ZNF560: variants seen among roughly 807,000 people sequenced by gnomAD.
The protein encoded by ZNF560 is zinc finger protein 560.
A neutral mutation model predicts 81.8 loss-of-function variants in ZNF560; 54 were observed. The ratio of observed to expected loss-of-function variants is 0.66; its 90% CI spans 0.53 to 0.83. The LOEUF is 0.83. ZNF560 is among the 40% of genes least tolerant of loss of function. The pLI is 0.00. For missense variants in ZNF560, 940 were observed against 932.4 expected (o/e 1.01, Z -0.11); for synonymous variants, 321 against 317.9 (o/e 1.01, Z -0.10).
chr19:9,480,694 C>G (rs539064237), intron 2 of ZNF560, among the ~76,000 whole-genome samples: 35 of 150,494 alleles, frequency 2.3e-4, no homozygotes, highest in African/African-American at 8.5e-4. Context: ...AATTGCAGCA[C>G]TTTGGGAGGC....
At chr19:9,480,113 G>T (rs1302900991) in intron 2 of ZNF560, among the ~76,000 whole-genome samples, 2 of 152,126 alleles carry the variant, frequency 1.3e-5, no homozygotes, top group African/African-American at 4.8e-5. Context: ...CTACACTTTA[G>T]ACCAAAACAA....
At chr19:9,484,115 C>A (rs954878748) in intron 2 of ZNF560, among the ~76,000 whole-genome samples, 2 of 152,098 alleles carry the variant, frequency 1.3e-5, no homozygotes, top group Admixed American at 1.3e-4. Context: ...AGAGTCATCA[C>A]CACTCCCTAA....
At chr19:9,453,094 T>C in the ZNF560 span, among the ~76,000 whole-genome samples, 1 of 152,190 alleles carries the variant, frequency 6.6e-6, no homozygotes, top group African/African-American at 2.4e-5. Context: ...GAGATCATGA[T>C]GATGGGGCTC....
the ZNF560 span, among the ~76,000 whole-genome samples, chr19:9,447,866 C>T: frequency 0.53 from 79,974 of 151,914 alleles, 21,374 homozygotes; most frequent in Non-Finnish European, 0.55. Context: ...ATCCAGACAA[C>T]ACCTGCCAGA....
the ZNF560 span, among the ~76,000 whole-genome samples, chr19:9,448,306 A>T: frequency 6.6e-6 from 1 of 150,792 alleles, no homozygotes; most frequent in Non-Finnish European, 1.5e-5. Context: ...ATCTTGGCTC[A>T]TGGTAACCTC....
At chr19:9,506,181 CAG>C in the ZNF560 span, among the ~76,000 whole-genome samples, 1 of 151,870 alleles carries the variant, frequency 6.6e-6, no homozygotes, top group African/African-American at 2.4e-5. Context: ...TTAGTAGAGA[CAG>C]GGTTTCACCA....
At chr19:9,485,818 G>A (rs1233048802) in intron 2 of ZNF560, among the ~76,000 whole-genome samples, 3 of 152,122 alleles carry the variant, frequency 2.0e-5, no homozygotes, top group Non-Finnish European at 4.4e-5. Context: ...TTACAGGCAT[G>A]AGCCACCATG....
At chr19:9,486,546 C>A (rs965151427) in intron 2 of ZNF560, among the ~76,000 whole-genome samples, 3 of 152,088 alleles carry the variant, frequency 2.0e-5, no homozygotes, top group African/African-American at 4.8e-5. Flanking sequence ...TTGAAACCAG[C>A]CTGGCCAACA....
intron 2 of ZNF560, among the ~76,000 whole-genome samples, chr19:9,488,661 G>C (rs1179387708): frequency 1.3e-5 from 2 of 152,024 alleles, no homozygotes; most frequent in Admixed American, 1.3e-4. Flanking sequence ...GAAACCCAGG[G>C]AACATGTATG....
chr19:9,499,682 G>A (rs1328675026), upstream of ZNF560, among the ~76,000 whole-genome samples: 1 of 152,122 alleles, frequency 6.6e-6, no homozygotes, highest in Non-Finnish European at 1.5e-5. Flanking sequence ...GAATCTTCGG[G>A]TTATATTGGT....
chr19:9,501,113 A>G (rs917447910), upstream of ZNF560, among the ~76,000 whole-genome samples: 1 of 149,404 alleles, frequency 6.7e-6, no homozygotes, highest in Non-Finnish European at 1.5e-5. Context: ...GGATTTTTGC[A>G]TCTATATTCA....
At chr19:9,479,257 G>A (rs2073248999) in intron 2 of ZNF560, among the ~76,000 whole-genome samples, 1 of 151,294 alleles carries the variant, frequency 6.6e-6, no homozygotes, top group Admixed American at 6.6e-5. Context: ...TACTCTGAAT[G>A]CACACACACT....
chr19:9,461,475 A>G (rs1254658791), downstream of ZNF560, among the ~76,000 whole-genome samples: 1 of 152,146 alleles, frequency 6.6e-6, no homozygotes. Context: ...TGCTACTTTA[A>G]TCTTGATTAT....
In ZNF560 at chr19:9,469,110, G is replaced by A. The variant is rs201814953; in HGVS notation, c.607C>T (p.Gln203Ter). ...AGTTCTTTTGTTAATCTTACCAACT[G>A]TATCCCATTTAATGTTTTTAAACAA... ...NFCLKTLNGI[Q>*]LARNQNGEEL... The change falls in exon 9 of 10, where the codon CAG (glutamine) becomes TAG (stop). Residue 203 changes from glutamine to a stop codon, truncating the protein, a stop_gained. Transcript: ENST00000301480. LOFTEE classifies it high-confidence loss of function. The A allele has an allele frequency of 2.5e-6, 4 of 1,588,566 alleles. No individual in the cohort carries two copies. The highest frequency in any genetic ancestry group is 2.3e-5 in the East Asian group (1 of 44,426).
chr19:9,452,485 G>C, the ZNF560 span, among the ~76,000 whole-genome samples: 1 of 152,110 alleles, frequency 6.6e-6, no homozygotes, highest in African/African-American at 2.4e-5. Flanking sequence ...CAATGGCAAA[G>C]ACATGGAATC....
chr19:9,504,250 C>T, the ZNF560 span, among the ~76,000 whole-genome samples: 4 of 152,150 alleles, frequency 2.6e-5, no homozygotes, highest in African/African-American at 9.6e-5. Context: ...GCCTTGCCAA[C>T]ATGGTGAAAC....
In ZNF560 at chr19:9,468,054, C is replaced by T; in HGVS notation, c.893G>A (p.Gly298Glu). 1 of 1,614,152 alleles carries T rather than the reference C, an allele frequency of 6.2e-7. No individual in the cohort carries two copies. The highest frequency in any genetic ancestry group is 8.5e-7 in the Non-Finnish European group (1 of 1,180,026). ...QDKSFEGTDY[G>E]KAFIYQSYLE... Reference sequence around the variant, plus strand: ...GTATGACTGATAAATGAAGGCTTTCCCATAGTCAGTGCCTTCAAAGGATTT... The same window carrying T: ...GTATGACTGATAAATGAAGGCTTTCTCATAGTCAGTGCCTTCAAAGGATTT... The change falls in exon 10 of 10, where the codon GGG (glycine) becomes GAG (glutamate). Residue 298 changes from glycine to glutamate, a missense_variant. Transcript: ENST00000301480.
intron 2 of ZNF560, among the ~76,000 whole-genome samples, chr19:9,486,680 C>A (rs553449423): frequency 6.6e-6 from 1 of 150,684 alleles, no homozygotes; most frequent in East Asian, 2.0e-4. Flanking sequence ...GTGGAGGTTG[C>A]AGTGAGCCAA....
chr19:9,457,443 A>G, the ZNF560 span, among the ~76,000 whole-genome samples: 1 of 152,364 alleles, frequency 6.6e-6, no homozygotes, highest in African/African-American at 2.4e-5. Context: ...TGCACAAGGC[A>G]TGTTAAACAG....
Sources: allele counts gnomAD v4.1 joint callset (sites outside exome capture counted in the v4.1 genomes callset), GRCh38; gene constraint gnomAD v4.1.1; transcripts MANE v1.5; gene names NCBI Gene and HGNC (gene_info 2026-07-23, HGNC 2026-07-21).